The following SLC12A7 variants were observed in gnomAD, a reference collection of about 807,000 sequenced individuals.
SLC12A7 encodes the protein K-Cl cotransporter 4.
Under a neutral mutation model 120.6 loss-of-function variants are expected in SLC12A7, and 100 were observed. The ratio of observed to expected loss-of-function variants is 0.83; its 90% CI spans 0.71 to 0.98. The LOEUF (loss-of-function observed/expected upper bound fraction) is 0.98, where lower values mean the gene tolerates loss of function less well. Ranked by LOEUF, SLC12A7 falls within the 50% of genes least tolerant of loss-of-function variation. The pLI is 0.00. For synonymous variants in SLC12A7, 760 were observed against 678.0 expected (o/e 1.12, Z -1.88); for missense variants, 1,373 against 1,548.1 (o/e 0.89, Z 1.90).
At chr5:1,120,474 C>T in the SLC12A7 span, among the ~76,000 whole-genome samples, 14 of 152,244 alleles carry the variant, frequency 9.2e-5, no homozygotes, top group Admixed American at 2.0e-4. Flanking sequence ...GGGGACACCA[C>T]GGTGTGCTGG....
At position 1,051,088 on chromosome 5, in the gene SLC12A7, G is replaced by T. The variant is rs184601040; in HGVS notation, c.*1272C>A. 7.6e-6 allele frequency: 3 copies of T among 396,544 alleles called. No individual in the cohort carries two copies. The highest frequency in any genetic ancestry group is 7.1e-5 in the East Asian group (2 of 28,022). 24.6% of individuals were successfully genotyped at this position (396,544 alleles called of 1,614,324 possible). Reference sequence around the variant, plus strand: ...CCACATAGAAAGGGAGGCCCAAGTCGGTGCCACTGCCCGCAGCCTGCAAAT... The same window carrying T: ...CCACATAGAAAGGGAGGCCCAAGTCTGTGCCACTGCCCGCAGCCTGCAAAT... On this transcript the variant is annotated 3_prime_UTR_variant, in exon 24 of 24. Coordinates refer to ENST00000264930, the MANE Select transcript of SLC12A7 (RefSeq NM_006598.3).
chr5:1,078,877 A>C lies in SLC12A7; in HGVS notation c.1397-119T>G, dbSNP rs1187104934. On this transcript the variant is annotated intron_variant, in intron 10 of 23. Coordinates refer to ENST00000264930, the MANE Select transcript of SLC12A7 (RefSeq NM_006598.3). ...CACTGGCCAGCGGGCCGCAGGATCC[A>C]GGTGGGCGGGGACCGTTCTGCATCC... The C allele has an allele frequency of 9.4e-6, 7 of 746,642 alleles. No individual in the cohort carries two copies. In the Admixed American group the frequency reaches 1.2e-4, roughly 13 times the overall value. 46.3% of individuals were successfully genotyped at this position (746,642 alleles called of 1,614,324 possible).
At chr5:1,113,868 G>A (rs1743206806), upstream of SLC12A7, among the ~76,000 whole-genome samples, 1 of 152,198 alleles carries the variant, frequency 6.6e-6, no homozygotes, top group African/African-American at 2.4e-5. Context: ...AACCCTGGTT[G>A]CCACCCAGCG....
rs1285595714 is a variant in SLC12A7, at chr5:1,081,645, G to A, written c.1229C>T (p.Pro410Leu). 1 of 1,613,184 alleles carries A rather than the reference G, an allele frequency of 6.2e-7. No individual in the cohort carries two copies. The highest frequency in any genetic ancestry group is 8.5e-7 in the Non-Finnish European group (1 of 1,179,946). Residue 410 changes from proline (P) to leucine (L), a missense_variant, in exon 9 of 24, where the codon CCC becomes CTC. Transcript: ENST00000264930. ...GGCCGCGATGTCGGTGAGCACGTAG[G>A]GCAGTGCGCTGGCACGGCTCTCCTC... ...VAEESRASALPYVLTDIAASF... is the reference protein window; with the variant it reads ...VAEESRASALLYVLTDIAASF...
At chr5:1,099,003 C>G (rs1741697470) in intron 1 of SLC12A7, among the ~76,000 whole-genome samples, 1 of 152,016 alleles carries the variant, frequency 6.6e-6, no homozygotes, top group Admixed American at 6.5e-5. Context: ...CAAACGGACA[C>G]AGGGGAAAGC....
rs1371954372 is a variant in SLC12A7, at chr5:1,080,999, G to A, written c.1297+578C>T. ...GGAACACACTACAGAGAGAGAGACA[G>A]AGAGAGAGACAGACAGACAGACAGA... On this transcript the variant is annotated intron_variant, in intron 9 of 23. Coordinates refer to ENST00000264930, the MANE Select transcript of SLC12A7 (RefSeq NM_006598.3). 3.0e-4 allele frequency among the ~76,000 whole-genome samples: 19 copies of A among 63,532 alleles called. No homozygotes were observed. In the East Asian group the frequency reaches 5.9e-3, roughly 20 times the overall value. The allele number at this position is 63,532 out of a possible 152,430, so 41.7% of individuals were successfully genotyped here.
chr5:1,112,026 G>T lies in SLC12A7; in HGVS notation c.-35C>A, dbSNP rs1021204388. 1 of 1,238,902 alleles carries T rather than the reference G, an allele frequency of 8.1e-7. No individual in the cohort carries two copies. The highest frequency in any genetic ancestry group is 1.0e-6 in the Non-Finnish European group (1 of 989,912). The allele number at this position is 1,238,902 out of a possible 1,614,324, so 76.7% of individuals were successfully genotyped here. ...CAGCCGACAGTCCCCGTCCCGGCCC[G>T]GCCCGCGCTGCGCCGCTCCCGCCGA... On this transcript the variant is annotated 5_prime_UTR_variant, in exon 1 of 24. Transcript: ENST00000264930.
At chr5:1,103,132 G>A (rs1305683571) in intron 1 of SLC12A7, among the ~76,000 whole-genome samples, 3 of 152,158 alleles carry the variant, frequency 2.0e-5, no homozygotes, top group Non-Finnish European at 2.9e-5. Context: ...GGATGAGAAC[G>A]GCCCAGTGTT....
intron 1 of SLC12A7, among the ~76,000 whole-genome samples, chr5:1,108,547 C>T (rs1353563454): frequency 2.0e-5 from 3 of 152,184 alleles, no homozygotes; most frequent in Non-Finnish European, 4.4e-5. Context: ...GTGTCGGGAA[C>T]GCCCTCCTGA....
At chr5:1,074,509 G>A (rs1254119595) in intron 16 of SLC12A7, 58 bp downstream of exon 16, 30 of 1,508,944 alleles carry the variant, frequency 2.0e-5, no homozygotes, top group Admixed American at 3.6e-5. Flanking sequence ...CTCAAAGGCC[G>A]ACCTCAGAAA....
chr5:1,081,359 C>CA, intron 9 of SLC12A7, among the ~76,000 whole-genome samples: 1 of 151,898 alleles, frequency 6.6e-6, no homozygotes, highest in Non-Finnish European at 1.5e-5. Context: ...CCCCCCTCTA[C>CA]AAAAAATACA....
At chr5:1,075,521 C>G in intron 14 of SLC12A7, 31 bp from the exon 15 acceptor site, 1 of 1,594,352 alleles carries the variant, frequency 6.3e-7, no homozygotes, top group Non-Finnish European at 8.6e-7. Context: ...TCGGGGCGGC[C>G]CAACGCCATG....
chr5:1,130,590 G>T, the SLC12A7 span, among the ~76,000 whole-genome samples: 1 of 139,986 alleles, frequency 7.1e-6, no homozygotes, highest in Non-Finnish European at 1.6e-5. Context: ...GCGGCTGCCC[G>T]CGCAGGTCCC....
the SLC12A7 span, among the ~76,000 whole-genome samples, chr5:1,145,511 A>G: frequency 6.6e-6 from 1 of 152,210 alleles, no homozygotes; most frequent in East Asian, 1.9e-4. This position sits in a 1 kb window ranked among gnomAD's most constrained non-coding sequence, Gnocchi z 4.4. Flanking sequence ...TGCCCACAGG[A>G]AGTCAGAGGC....
chr5:1,057,413 C>T (rs541298489), intron 22 of SLC12A7, 58 bp downstream of exon 22: 306 of 1,524,488 alleles, frequency 2.0e-4, no homozygotes, highest in Non-Finnish European at 2.6e-4. Context: ...TCTGTCCTCA[C>T]TGCCGGGCCA....
intron 1 of SLC12A7, among the ~76,000 whole-genome samples, chr5:1,103,760 T>C (rs1274783592): frequency 6.6e-6 from 1 of 152,224 alleles, no homozygotes; most frequent in Non-Finnish European, 1.5e-5. Flanking sequence ...GACACAGGCA[T>C]GCACTGGGAC....
intron 17 of SLC12A7, among the ~76,000 whole-genome samples, chr5:1,070,548 C>CG (rs11428911): frequency 4.2e-4 from 1 of 2,378 alleles, no homozygotes; most frequent in African/African-American, 9.1e-4. Flanking sequence ...CCCCAGCACA[C>CG]GGCATCACAC....
chr5:1,093,636 G>A lies in SLC12A7; in HGVS notation c.239C>T (p.Pro80Leu). The change falls in exon 3 of 24, where the codon CCC becomes CTC. Residue 80 changes from proline to leucine, a missense_variant. Physicochemically the swap from Pro to Leu is moderately conservative, Grantham distance 98. Coordinates refer to ENST00000264930, the MANE Select transcript of SLC12A7 (RefSeq NM_006598.3). ...CTTGTTGAGCAGCGAGGACACCATG[G>A]GGTTACTGTCCATCTCCTCCTGCGC... ...ALFEEEMDSN[P>L]MVSSLLNKLA... 7.4e-6 allele frequency: 12 copies of A among 1,613,102 alleles called. No homozygotes were observed. The highest frequency in any genetic ancestry group is 8.5e-6 in the Non-Finnish European group (10 of 1,179,876).
chr5:1,086,965 A>G lies in SLC12A7; in HGVS notation c.613T>C (p.Phe205Leu). The G allele has an allele frequency of 6.2e-7, 1 of 1,612,870 alleles. No individual in the cohort carries two copies. The highest frequency in any genetic ancestry group is 1.1e-5 in the South Asian group (1 of 91,076). ...CCTGCAAACGTCGTGCCCAGGTAGA[A>G]GCAGAGGCCGACAGCGCCTCCAAAC... The part of the protein sequence containing the change: ...PEFGGAVGLC[F>L]YLGTTFAGAM... The change falls in exon 6 of 24, where the codon TTC (phenylalanine) becomes CTC (leucine). Residue 205 changes from phenylalanine (F) to leucine (L), a missense_variant. Transcript: ENST00000264930.
Sources: gnomAD v4.1 joint callset for allele counts (sites outside exome capture counted in the v4.1 genomes callset) on GRCh38, gnomAD v4.1.1 for gene constraint, Gnocchi (gnomAD v3.1) non-coding constraint, MANE v1.5 for transcripts, NCBI Gene and HGNC (gene_info 2026-07-23, HGNC 2026-07-21) for gene names.